The following DNAJC5B variants were observed in gnomAD, a reference collection of about 807,000 sequenced individuals.
DNAJC5B encodes the protein dnaJ homolog subfamily C member 5B.
DNAJC5B carries 23 observed loss-of-function variants against 24.7 expected under a neutral mutation model. The observed-to-expected ratio is 0.93, with a 90% CI of 0.67 to 1.32. The LOEUF (loss-of-function observed/expected upper bound fraction) is 1.32, where lower values mean the gene tolerates loss of function less well. Among genes scored for constraint, DNAJC5B ranks in the 40% most tolerant of loss-of-function variants. The probability of loss-of-function intolerance (pLI) is 0.00; values close to 1 mark genes in which losing one functional copy is unlikely to be tolerated. For synonymous variants in DNAJC5B, 101 were observed against 90.1 expected (o/e 1.12, Z -0.68); for missense variants, 238 against 240.8 (o/e 0.99, Z 0.08).
chr8:66,082,811 C>T (rs780534316), intron 5 of DNAJC5B, among the ~76,000 whole-genome samples: 2 of 151,906 alleles, frequency 1.3e-5, no homozygotes, highest in Non-Finnish European at 2.9e-5. Flanking sequence ...AAAAAGAAAT[C>T]ACAACAAATT....
chr8:66,079,124 T>C (rs558213383), intron 4 of DNAJC5B, among the ~76,000 whole-genome samples: 9 of 152,346 alleles, frequency 5.9e-5, no homozygotes, highest in African/African-American at 2.2e-4. Flanking sequence ...TTTTAGTTTT[T>C]AGCTATAACA....
intron 3 of DNAJC5B, among the ~76,000 whole-genome samples, chr8:66,074,284 T>C (rs2128963378): frequency 6.6e-6 from 1 of 152,280 alleles, no homozygotes; most frequent in South Asian, 2.1e-4. Flanking sequence ...AGTAGTTTGA[T>C]TGCATCTTGA....
intron 2 of DNAJC5B, among the ~76,000 whole-genome samples, chr8:66,050,138 A>G (rs57151307): frequency 0.021 from 3,257 of 152,296 alleles, 125 homozygotes; most frequent in African/African-American, 0.074. Context: ...GCCACATTCA[A>G]CTTAAAGGCA....
chr8:66,090,047 T>C (rs770354409), intron 5 of DNAJC5B, among the ~76,000 whole-genome samples: 1 of 152,304 alleles, frequency 6.6e-6, no homozygotes, highest in Non-Finnish European at 1.5e-5. Flanking sequence ...TCCCTTACTT[T>C]CATATGTTCA....
At position 66,085,220 on chromosome 8, in the gene DNAJC5B, G is replaced by A. The variant is rs146671616; in HGVS notation, c.505+4672G>A. Reference sequence around the variant, plus strand: ...TTTGGGAGGCGGAGGCTGGTGGATCGCTTGAGGCCAGGAGTTCAAGACCAG... The same window carrying A: ...TTTGGGAGGCGGAGGCTGGTGGATCACTTGAGGCCAGGAGTTCAAGACCAG... On this transcript the variant is annotated intron_variant, in intron 5 of 5. Coordinates refer to ENST00000276570, the MANE Select transcript of DNAJC5B (RefSeq NM_033105.6). Among the ~76,000 whole-genome samples, 1,432 of 152,222 alleles carry A rather than the reference G, an allele frequency of 9.4e-3. 22 individuals carry two copies. The highest frequency in any genetic ancestry group is 0.032 in the African/African-American group (1,321 of 41,538).
intron 4 of DNAJC5B, among the ~76,000 whole-genome samples, chr8:66,077,331 G>A (rs1430917546): frequency 6.6e-6 from 1 of 152,106 alleles, no homozygotes; most frequent in Non-Finnish European, 1.5e-5. Flanking sequence ...GTGAGGTAGA[G>A]GAGAAGGAAA....
intron 5 of DNAJC5B, among the ~76,000 whole-genome samples, chr8:66,090,286 A>T (rs1234293910): frequency 6.3e-5 from 9 of 142,998 alleles, no homozygotes; most frequent in African/African-American, 2.0e-4. Context: ...TGTGTGGTAG[A>T]GAGAGAGAGA....
rs1808059125 is a variant in DNAJC5B, at chr8:66,100,850, CA to C, written c.*823del. On this transcript the variant is annotated 3_prime_UTR_variant, in exon 6 of 6. Transcript: ENST00000276570. ...TATACTCTAGAGCCTAAATTTACAC[CA>C]AAACATGTATCACCTCATTTTTGTT... is the stretch of plus-strand genomic sequence containing the variant. 6.6e-6 allele frequency among the ~76,000 whole-genome samples: 1 copy of C among 152,028 alleles called. No individual in the cohort carries two copies. Among genetic ancestry groups the C allele is most frequent in the Non-Finnish European group, 1.5e-5 (1 of 68,006 alleles).
At chr8:66,031,858 G>A (rs1218491184) in intron 1 of DNAJC5B, among the ~76,000 whole-genome samples, 3 of 152,172 alleles carry the variant, frequency 2.0e-5, no homozygotes, top group East Asian at 1.9e-4. Context: ...AAACACCCAC[G>A]CAGACACACC....
At chr8:66,037,192 T>C (rs1450228770) in intron 1 of DNAJC5B, among the ~76,000 whole-genome samples, 1 of 152,166 alleles carries the variant, frequency 6.6e-6, no homozygotes, top group Non-Finnish European at 1.5e-5. Context: ...CAGGGACCAG[T>C]TGACTGGTGT....
At position 66,028,833 on chromosome 8, in the gene DNAJC5B, C is replaced by A. The variant is rs764456496; in HGVS notation, c.-142+7128C>A. ...TGGCCACGCCTTTCTAAAATAGAAA[C>A]CGGCACTCCCCAGTTTCAAGTTTTT... is the stretch of plus-strand genomic sequence containing the variant. On this transcript the variant is annotated intron_variant, in intron 1 of 5. Transcript: ENST00000276570. Among the ~76,000 whole-genome samples the A allele has an allele frequency of 2.0e-5, 3 of 152,266 alleles. No homozygotes were observed. In the South Asian group the frequency reaches 6.2e-4, roughly 32 times the overall value.
intron 3 of DNAJC5B, among the ~76,000 whole-genome samples, chr8:66,060,383 G>A (rs184408455): frequency 9.8e-5 from 15 of 152,322 alleles, no homozygotes; most frequent in African/African-American, 3.4e-4. Context: ...TGTCACAGCC[G>A]TGGCTTGTAT....
At chr8:66,078,839 A>G (rs60044497) in intron 4 of DNAJC5B, among the ~76,000 whole-genome samples, 303 of 152,290 alleles carry the variant, frequency 2.0e-3, no homozygotes, top group African/African-American at 7.0e-3. Context: ...AGAATCAGAG[A>G]TGAAGCCCAG....
At chr8:66,095,972 G>C (rs1280630604) in intron 5 of DNAJC5B, among the ~76,000 whole-genome samples, 1 of 152,074 alleles carries the variant, frequency 6.6e-6, no homozygotes, top group Non-Finnish European at 1.5e-5. Context: ...AACACATTCT[G>C]CATTTGTTAT....
chr8:66,023,641 T>C (rs1454280021), intron 1 of DNAJC5B, among the ~76,000 whole-genome samples: 1 of 152,202 alleles, frequency 6.6e-6, no homozygotes, highest in African/African-American at 2.4e-5. Flanking sequence ...GTGTATACCC[T>C]TGAATGTACA....
chr8:66,080,223 T>C (rs11988771), intron 4 of DNAJC5B, among the ~76,000 whole-genome samples, 154 bp from the exon 5 acceptor site: 3,023 of 152,240 alleles, frequency 0.02, 106 homozygotes, highest in African/African-American at 0.068. Context: ...ATAGTTCTTA[T>C]GTGGAGTAAG....
Position 66,100,453 on chromosome 8 carries a change from A to C in DNAJC5B, c.*422A>C, listed in dbSNP as rs2128967873. On this transcript the variant is annotated 3_prime_UTR_variant, in exon 6 of 6. Coordinates refer to ENST00000276570, the MANE Select transcript of DNAJC5B (RefSeq NM_033105.6). Reference sequence around the variant, plus strand: ...TCATCAAAATATATGAGAACTTATAAAGAGTTTTTGTGTGTGGAGCCTCTT... The same window carrying C: ...TCATCAAAATATATGAGAACTTATACAGAGTTTTTGTGTGTGGAGCCTCTT... The C allele has an allele frequency of 6.5e-6, 1 of 153,144 alleles. No homozygotes were observed. The highest frequency in any genetic ancestry group is 1.9e-4 in the East Asian group (1 of 5,210). The allele number at this position is 153,144 out of a possible 1,614,324, so 9.5% of individuals were successfully genotyped here.
intron 5 of DNAJC5B, among the ~76,000 whole-genome samples, chr8:66,088,966 AT>A (rs1807788411): frequency 6.6e-6 from 1 of 151,930 alleles, no homozygotes; most frequent in African/African-American, 2.4e-5. Flanking sequence ...TCACTTCCAT[AT>A]TTTCAGGTTA....
chr8:66,069,312 T>A (rs1807294759), intron 3 of DNAJC5B, among the ~76,000 whole-genome samples: 1 of 152,074 alleles, frequency 6.6e-6, no homozygotes, highest in Non-Finnish European at 1.5e-5. Flanking sequence ...ATATGGTTTT[T>A]ACAAAAGACA....
Sources: gnomAD v4.1 joint callset for allele counts (sites outside exome capture counted in the v4.1 genomes callset) on GRCh38, gnomAD v4.1.1 for gene constraint, MANE v1.5 for transcripts, NCBI Gene and HGNC (gene_info 2026-07-23, HGNC 2026-07-21) for gene names.